Variants in NUP37 observed in about 807,000 individuals in gnomAD.
NUP37 encodes nucleoporin Nup37.
Under a neutral mutation model 45.4 loss-of-function variants are expected in NUP37, and 33 were observed. That is an observed-to-expected ratio of 0.73 (90% CI 0.55 to 0.97). NUP37 has a LOEUF of 0.97. Among genes scored for constraint, NUP37 ranks in the 50% least tolerant of loss-of-function variants. The probability of loss-of-function intolerance (pLI) is 0.00; values close to 1 mark genes in which losing one functional copy is unlikely to be tolerated. For missense variants in NUP37, 365 were observed against 389.7 expected (o/e 0.94, Z 0.53); for synonymous variants, 127 against 130.7 (o/e 0.97, Z 0.19).
chr12:102,114,191 T>C (rs1022216812), intron 2 of NUP37, among the ~76,000 whole-genome samples: 1 of 152,210 alleles, frequency 6.6e-6, no homozygotes, highest in Non-Finnish European at 1.5e-5. Context: ...TTGGATTACA[T>C]CTATTTTTCC....
chr12:102,101,950 C>T (rs1485178143), intron 3 of NUP37, among the ~76,000 whole-genome samples: 2 of 152,174 alleles, frequency 1.3e-5, no homozygotes, highest in Non-Finnish European at 2.9e-5. Flanking sequence ...GTCTCGAACT[C>T]CTGACCTCAG....
At chr12:102,094,113 T>C (rs1193807523) in intron 5 of NUP37, among the ~76,000 whole-genome samples, 1 of 151,472 alleles carries the variant, frequency 6.6e-6, no homozygotes, top group East Asian at 1.9e-4. Flanking sequence ...TTTTGGAGAG[T>C]TCTTTTAACG....
chr12:102,094,702 T>G (rs1384845457), intron 5 of NUP37, among the ~76,000 whole-genome samples: 1 of 152,156 alleles, frequency 6.6e-6, no homozygotes, highest in East Asian at 1.9e-4. Context: ...AATTTAGTAT[T>G]CCTTTATACA....
intron 8 of NUP37, among the ~76,000 whole-genome samples, chr12:102,076,225 G>C (rs1465708582): frequency 3.3e-5 from 5 of 152,076 alleles, no homozygotes; most frequent in Non-Finnish European, 1.5e-5. Context: ...CTTAATAATG[G>C]TATCCCTAAG....
intron 5 of NUP37, among the ~76,000 whole-genome samples, chr12:102,092,550 T>C (rs1594390865): frequency 6.6e-6 from 1 of 152,182 alleles, no homozygotes; most frequent in Admixed American, 6.5e-5. Context: ...AATCAGGTTA[T>C]AGATGATTCA....
rs79575592 is a variant in NUP37 at position 102,117,453 on chromosome 12, T to A, written c.156+910A>T. Reference sequence around the variant, plus strand: ...CAAAACTCTGTCTGAAAAAAAAAAATAAAAATAATAATAATACTCTGATAG... The same window carrying A: ...CAAAACTCTGTCTGAAAAAAAAAAAAAAAAATAATAATAATACTCTGATAG... On this transcript the variant is annotated intron_variant, in intron 2 of 9. Coordinates refer to ENST00000552283, the MANE Select transcript of NUP37 (RefSeq NM_024057.4). Among the ~76,000 whole-genome samples, 867 of 146,416 alleles carry A rather than the reference T, an allele frequency of 5.9e-3. 4 individuals carry two copies. Among genetic ancestry groups the A allele is most frequent in the African/African-American group, 0.019 (735 of 39,488 alleles).
chr12:102,082,290 T>C (rs1879350413), intron 6 of NUP37, among the ~76,000 whole-genome samples: 3 of 152,148 alleles, frequency 2.0e-5, no homozygotes, highest in South Asian at 4.1e-4. Context: ...TTCTATGAGA[T>C]AGGTAATCAT....
At position 102,101,038 on chromosome 12, in the gene NUP37, T is replaced by A. The variant is rs779230001; in HGVS notation, c.348A>T (p.Glu116Asp). The A allele has an allele frequency of 6.6e-7, 1 of 1,511,520 alleles. No homozygotes were observed. The highest frequency in any genetic ancestry group is 1.4e-5 in the African/African-American group (1 of 71,244). 93.6% of individuals were successfully genotyped at this position (1,511,520 alleles called of 1,614,324 possible). ...LFTSDLQDKN[E>D]YKVLEGHTDF... ...TATATGGTTGTCAACATACCTTATA[T>A]TCATTTTTATCCTGAAGATCTGAAG... Residue 116 changes from glutamate (E) to aspartate (D), a missense_variant, in exon 4 of 10, where the codon GAA becomes GAT. By Grantham distance (45) the Glu-to-Asp change is conservative. Coordinates refer to ENST00000552283, the MANE Select transcript of NUP37 (RefSeq NM_024057.4).
chr12:102,106,301 G>C (rs926258087), intron 3 of NUP37, among the ~76,000 whole-genome samples: 3 of 152,198 alleles, frequency 2.0e-5, no homozygotes, highest in African/African-American at 4.8e-5. Flanking sequence ...GGGAAATAAA[G>C]ACGCCATCAT....
At position 102,110,568 on chromosome 12, in the gene NUP37, G is replaced by A. The variant is rs1029904471; in HGVS notation, c.281+1540C>T. On this transcript the variant is annotated intron_variant, in intron 3 of 9. Coordinates refer to ENST00000552283, the MANE Select transcript of NUP37 (RefSeq NM_024057.4). ...TAGCAAATATTGGAGAATAGGCCAGGTATGGTGGCTCATGCTGTCATCCCA... is the reference window on the plus strand; with the variant it reads ...TAGCAAATATTGGAGAATAGGCCAGATATGGTGGCTCATGCTGTCATCCCA... 6.6e-5 allele frequency among the ~76,000 whole-genome samples: 10 copies of A among 151,482 alleles called. No individual in the cohort carries two copies. The South Asian group carries it at 1.7e-3, about 25-fold the overall frequency.
At chr12:102,094,687 T>C (rs761099099) in intron 5 of NUP37, among the ~76,000 whole-genome samples, 5 of 152,154 alleles carry the variant, frequency 3.3e-5, no homozygotes, top group Admixed American at 3.3e-4. Context: ...GTGAATAGCT[T>C]AGGTAATTTA....
At chr12:102,096,482 G>A (rs1879806636) in intron 5 of NUP37, among the ~76,000 whole-genome samples, 1 of 152,016 alleles carries the variant, frequency 6.6e-6, no homozygotes, top group African/African-American at 2.4e-5. Flanking sequence ...TGTTCCTAGG[G>A]CAAAATTCTG....
At chr12:102,115,189 T>A (rs894497819) in intron 2 of NUP37, among the ~76,000 whole-genome samples, 5 of 152,226 alleles carry the variant, frequency 3.3e-5, no homozygotes, top group Non-Finnish European at 7.3e-5. Flanking sequence ...TGAATCATAA[T>A]ATACTGCTGA....
chr12:102,105,522 C>A (rs1880115833), intron 3 of NUP37, among the ~76,000 whole-genome samples: 1 of 150,094 alleles, frequency 6.7e-6, no homozygotes, highest in Middle Eastern at 3.6e-3. Context: ...AGGAGCGAAA[C>A]CCTGTCTCAA....
At chr12:102,075,879 CT>C (rs79312878) in intron 8 of NUP37, among the ~76,000 whole-genome samples, 137 of 145,260 alleles carry the variant, frequency 9.4e-4, no homozygotes, top group Admixed American at 9.0e-4. Context: ...TCTCCTCTTA[CT>C]TTTTTTTTTT....
intron 5 of NUP37, among the ~76,000 whole-genome samples, chr12:102,093,829 C>T (rs570712176): frequency 1.3e-5 from 2 of 152,106 alleles, no homozygotes; most frequent in Admixed American, 6.5e-5. Context: ...CACATGAGGG[C>T]CACATAAAGC....
intron 6 of NUP37, among the ~76,000 whole-genome samples, chr12:102,077,726 CTT>C (rs1879215177): frequency 6.6e-6 from 1 of 152,116 alleles, no homozygotes; most frequent in Non-Finnish European, 1.5e-5. Context: ...TTAACACAAA[CTT>C]TGTTTCATGC....
At chr12:102,101,209 A>C in intron 3 of NUP37, 105 bp from the exon 4 acceptor site, 5 of 558,446 alleles carry the variant, frequency 9.0e-6, no homozygotes, top group Non-Finnish European at 1.6e-5. Context: ...TTTTATCATA[A>C]CTCATAATCA....
At chr12:102,099,042 T>TTTAATGAGAA in intron 5 of NUP37, 64 bp downstream of exon 5, 1 of 1,098,590 alleles carries the variant, frequency 9.1e-7, no homozygotes, top group East Asian at 2.4e-5. Flanking sequence ...TTTTTCTCAT[T>TTTAATGAGAA]TTAAAAATGT....
Sources: allele counts gnomAD v4.1 joint callset (sites outside exome capture counted in the v4.1 genomes callset), GRCh38; gene constraint gnomAD v4.1.1; transcripts MANE v1.5; gene names NCBI Gene and HGNC (gene_info 2026-07-23, HGNC 2026-07-21).